CSMD1: variants seen among roughly 807,000 people sequenced by gnomAD.
CSMD1 encodes CUB and Sushi multiple domains 1.
Under a neutral mutation model 417.5 loss-of-function variants are expected in CSMD1, and 213 were observed. The observed-to-expected ratio is 0.51, with a 90% CI of 0.46 to 0.57. The LOEUF (loss-of-function observed/expected upper bound fraction) is 0.57. Ranked by LOEUF, CSMD1 falls within the 20% of genes least tolerant of loss-of-function variation. CSMD1 has a pLI of 0.00. For missense variants in CSMD1, 6,923 were observed against 4,529.7 expected, an observed-to-expected ratio of 1.53 and a Z score of -15.17; for synonymous variants, 2,862 against 1,736.8, an observed-to-expected ratio of 1.65 and a Z score of -16.11.
intron 3 of CSMD1, among the ~76,000 whole-genome samples, chr8:4,270,077 G>C (rs1416144823): frequency 6.6e-6 from 1 of 152,158 alleles, no homozygotes; most frequent in Non-Finnish European, 1.5e-5. Flanking sequence ...TCTGAGGAGA[G>C]AAACATGATC....
intron 3 of CSMD1, among the ~76,000 whole-genome samples, chr8:4,079,308 G>T (rs1585267746): frequency 6.6e-6 from 1 of 152,268 alleles, no homozygotes; most frequent in Admixed American, 6.5e-5. Context: ...TAAACAAATT[G>T]TGACTAGGCA....
chr8:3,906,266 G>C (rs961256194), intron 5 of CSMD1, among the ~76,000 whole-genome samples: 1 of 148,862 alleles, frequency 6.7e-6, no homozygotes, highest in Non-Finnish European at 1.5e-5. Flanking sequence ...AATGTGTGCT[G>C]CTTCAAATAA....
At chr8:3,478,938 C>A (rs142533799) in intron 11 of CSMD1, among the ~76,000 whole-genome samples, 1 of 151,990 alleles carries the variant, frequency 6.6e-6, no homozygotes, top group African/African-American at 2.4e-5. Context: ...GTAGAGTGGG[C>A]GGAATAGGTG....
At chr8:4,446,936 T>TTA (rs376737685) in intron 2 of CSMD1, among the ~76,000 whole-genome samples, 1 of 141,882 alleles carries the variant, frequency 7.0e-6, no homozygotes, top group Non-Finnish European at 1.5e-5. Flanking sequence ...CGTGTTTATT[T>TTA]AAAAAAAAAA....
At chr8:3,834,169 T>G (rs2129089406) in intron 5 of CSMD1, among the ~76,000 whole-genome samples, 1 of 152,336 alleles carries the variant, frequency 6.6e-6, no homozygotes, top group Non-Finnish European at 1.5e-5. Flanking sequence ...ATACCTATTT[T>G]TTACCTATTC....
chr8:3,988,260 A>C (rs183872074), intron 5 of CSMD1, among the ~76,000 whole-genome samples: 11 of 152,322 alleles, frequency 7.2e-5, no homozygotes, highest in African/African-American at 2.2e-4. Flanking sequence ...GATCATCTCC[A>C]TCTTGTCCCA....
At chr8:3,709,680 G>GTTTTTTCTTTTTTTTTTTT (rs1801387923) in intron 6 of CSMD1, among the ~76,000 whole-genome samples, 1 of 33,694 alleles carries the variant, frequency 3.0e-5, no homozygotes, top group Admixed American at 4.7e-4. Flanking sequence ...GCAGCAGCAT[G>GTTTTTTCTTTTTTTTTTTT]TTTTTTTTTT....
At chr8:3,406,270 A>G (rs756230090) in intron 14 of CSMD1, 49 bp from the exon 15 acceptor site, 2 of 1,412,904 alleles carry the variant, frequency 1.4e-6, no homozygotes, top group Non-Finnish European at 1.9e-6. Flanking sequence ...TTGAGTATTA[A>G]TTACATGTAT....
chr8:4,767,140 G>C (rs1447533697), intron 1 of CSMD1, among the ~76,000 whole-genome samples: 1 of 152,122 alleles, frequency 6.6e-6, no homozygotes, highest in Non-Finnish European at 1.5e-5. Flanking sequence ...GATGCAGTGG[G>C]TTAATAACAG....
chr8:4,354,400 G>C (rs973321055), intron 3 of CSMD1, among the ~76,000 whole-genome samples: 4 of 152,096 alleles, frequency 2.6e-5, no homozygotes, highest in Non-Finnish European at 5.9e-5. Context: ...AAAATACACC[G>C]TTCCCCAACA....
chr8:3,439,495 G>GTC (rs1254986449), intron 12 of CSMD1, among the ~76,000 whole-genome samples: 7 of 148,460 alleles, frequency 4.7e-5, no homozygotes, highest in African/African-American at 1.5e-4. Flanking sequence ...GTGTGTATCT[G>GTC]TGTGTGTGTG....
intron 5 of CSMD1, among the ~76,000 whole-genome samples, chr8:3,796,451 ATATAGATATC>A (rs1438465845): frequency 1.6e-4 from 22 of 138,072 alleles, no homozygotes; most frequent in Admixed American, 1.6e-3. Context: ...TCGTGTATAG[ATATAGATATC>A]TATCATGTAT....
chr8:4,506,785 G>C lies in CSMD1; in HGVS notation c.303-86720C>G, dbSNP rs943972067. ...CATAAATGCTTTAATTTTCCTGAAA[G>C]AGCCACCTCTAATTTACAGAATAAC... On this transcript the variant is annotated intron_variant, in intron 2 of 69. Transcript: ENST00000635120. Among the ~76,000 whole-genome samples, 6 of 152,244 alleles carry C rather than the reference G, an allele frequency of 3.9e-5. No individual in the cohort carries two copies. The East Asian group carries it at 9.7e-4, about 25-fold the overall frequency.
chr8:3,125,570 G>C (rs1330849855), intron 41 of CSMD1, among the ~76,000 whole-genome samples: 2 of 152,224 alleles, frequency 1.3e-5, no homozygotes, highest in Admixed American at 1.3e-4. Context: ...AACAAATTCT[G>C]ATTCAGCTGA....
intron 7 of CSMD1, among the ~76,000 whole-genome samples, chr8:3,664,859 A>C (rs1476768844): frequency 6.6e-6 from 1 of 152,262 alleles, no homozygotes; most frequent in African/African-American, 2.4e-5. Context: ...CAGACATCAT[A>C]AACAATTCAG....
chr8:4,130,993 C>T (rs546845581), intron 3 of CSMD1, among the ~76,000 whole-genome samples: 2 of 152,030 alleles, frequency 1.3e-5, no homozygotes, highest in Non-Finnish European at 2.9e-5. Flanking sequence ...AAAGTCTCTC[C>T]CTGCTGTTGG....
chr8:4,280,016 C>G (rs1480487999), intron 3 of CSMD1, among the ~76,000 whole-genome samples: 1 of 152,234 alleles, frequency 6.6e-6, no homozygotes, highest in Non-Finnish European at 1.5e-5. Flanking sequence ...TCTGCTGCTT[C>G]CTTCCCAGCC....
chr8:4,314,508 T>G (rs1004084684), intron 3 of CSMD1, among the ~76,000 whole-genome samples: 1 of 152,192 alleles, frequency 6.6e-6, no homozygotes, highest in Non-Finnish European at 1.5e-5. Context: ...GTCTGGACTT[T>G]GCTAATGCCT....
At chr8:3,429,539 G>A (rs183973494) in intron 12 of CSMD1, among the ~76,000 whole-genome samples, 1 of 152,090 alleles carries the variant, frequency 6.6e-6, no homozygotes, top group East Asian at 1.9e-4. Flanking sequence ...GGGCTGTCAG[G>A]AACGTTCAAT....
Sources: allele counts gnomAD v4.1 joint callset (sites outside exome capture counted in the v4.1 genomes callset), GRCh38; gene constraint gnomAD v4.1.1; transcripts MANE v1.5; gene names NCBI Gene and HGNC (gene_info 2026-07-23, HGNC 2026-07-21).